Variants in SYNDIG1 observed in about 807,000 individuals in gnomAD.
The protein encoded by SYNDIG1 is synapse differentiation inducing 1.
A neutral mutation model predicts 19.4 loss-of-function variants in SYNDIG1; 9 were observed. That is an observed-to-expected ratio of 0.46 (90% CI 0.28 to 0.81). The LOEUF is 0.81. Ranked by LOEUF, SYNDIG1 falls within the 30% of genes least tolerant of loss-of-function variation. The pLI, the probability that SYNDIG1 is intolerant of heterozygous loss-of-function variation, is 0.12. For synonymous variants in SYNDIG1, 141 were observed against 145.9 expected, an observed-to-expected ratio of 0.97 and a Z score of 0.24; for missense variants, 311 against 343.3, an observed-to-expected ratio of 0.91 and a Z score of 0.74.
intron 1 of SYNDIG1, among the ~76,000 whole-genome samples, chr20:24,480,363 T>C (rs2055762521): frequency 6.6e-6 from 1 of 152,252 alleles, no homozygotes; most frequent in South Asian, 2.1e-4. Flanking sequence ...AGTACTAAAT[T>C]TTTTTCAGTG....
At chr20:24,639,881 A>T (rs1034210615) in intron 3 of SYNDIG1, among the ~76,000 whole-genome samples, 45 of 152,340 alleles carry the variant, frequency 3.0e-4, no homozygotes, top group African/African-American at 1.1e-3. Context: ...ATTGTCTGTG[A>T]TTACCAGATA....
intron 1 of SYNDIG1, among the ~76,000 whole-genome samples, chr20:24,498,301 T>C (rs931738200): frequency 1.3e-5 from 2 of 152,220 alleles, no homozygotes; most frequent in African/African-American, 4.8e-5. Context: ...TTAGTAGTAG[T>C]ATTTGTGATA....
intron 3 of SYNDIG1, among the ~76,000 whole-genome samples, chr20:24,618,294 C>T (rs2058979880): frequency 7.3e-6 from 1 of 137,570 alleles, no homozygotes; most frequent in African/African-American, 2.8e-5. Context: ...GAGGGACAGC[C>T]CAGGGAAGGG....
intron 2 of SYNDIG1, among the ~76,000 whole-genome samples, chr20:24,557,429 T>C (rs2057844284): frequency 6.6e-6 from 1 of 152,166 alleles, no homozygotes; most frequent in African/African-American, 2.4e-5. Flanking sequence ...TTCCCATCTT[T>C]GTGGTTTTAT....
chr20:24,470,928 C>T (rs1389380362), intron 1 of SYNDIG1, among the ~76,000 whole-genome samples: 1 of 151,030 alleles, frequency 6.6e-6, no homozygotes, highest in Non-Finnish European at 1.5e-5. Context: ...GTGTTTAGTG[C>T]AGCAGACACC....
At chr20:24,506,253 T>C (rs1052532610) in intron 1 of SYNDIG1, among the ~76,000 whole-genome samples, 1 of 152,224 alleles carries the variant, frequency 6.6e-6, no homozygotes, top group African/African-American at 2.4e-5. Flanking sequence ...TAGCAAGTTA[T>C]AAGACAAGGG....
At chr20:24,503,918 T>A (rs1024140423) in intron 1 of SYNDIG1, among the ~76,000 whole-genome samples, 3 of 151,788 alleles carry the variant, frequency 2.0e-5, no homozygotes, top group Non-Finnish European at 4.4e-5. Context: ...TGAGGATTGC[T>A]GCTTACAAAG....
At chr20:24,508,626 A>T (rs1050019983) in intron 1 of SYNDIG1, among the ~76,000 whole-genome samples, 2 of 152,250 alleles carry the variant, frequency 1.3e-5, no homozygotes, top group Non-Finnish European at 2.9e-5. Context: ...AAACAAAAAA[A>T]CTAGAGCCAA....
At chr20:24,653,192 A>G (rs577570263) in intron 3 of SYNDIG1, among the ~76,000 whole-genome samples, 1 of 152,338 alleles carries the variant, frequency 6.6e-6, no homozygotes, top group South Asian at 2.1e-4. Context: ...ACGTGGAGCA[A>G]CAAGAAACAG....
intron 1 of SYNDIG1, among the ~76,000 whole-genome samples, chr20:24,529,161 T>A (rs1198949985): frequency 6.6e-6 from 1 of 152,226 alleles, no homozygotes; most frequent in Non-Finnish European, 1.5e-5. Flanking sequence ...ACATTCACAA[T>A]CTTATCAGTT....
chr20:24,552,104 A>G (rs1239038378), intron 2 of SYNDIG1, among the ~76,000 whole-genome samples: 1 of 151,854 alleles, frequency 6.6e-6, no homozygotes, highest in Non-Finnish European at 1.5e-5. Context: ...TCTTTCTTTT[A>G]TTTTGTCAGT....
At chr20:24,537,912 T>G (rs144677144) in intron 1 of SYNDIG1, among the ~76,000 whole-genome samples, 294 of 152,046 alleles carry the variant, frequency 1.9e-3, no homozygotes, top group African/African-American at 6.9e-3. Context: ...CCAATTGAGA[T>G]GATCAGTGGT....
At chr20:24,597,752 C>T (rs1163775962) in intron 3 of SYNDIG1, among the ~76,000 whole-genome samples, 2 of 152,180 alleles carry the variant, frequency 1.3e-5, no homozygotes, top group South Asian at 2.1e-4. Flanking sequence ...GGAGGCAGGG[C>T]AACATCTGAT....
intron 1 of SYNDIG1, among the ~76,000 whole-genome samples, chr20:24,499,822 G>A (rs1033464656): frequency 4.6e-5 from 7 of 152,138 alleles, no homozygotes; most frequent in Non-Finnish European, 8.8e-5. Flanking sequence ...ACAACACAAT[G>A]AAAATCTTTA....
At chr20:24,578,180 C>T (rs1431428660) in intron 2 of SYNDIG1, among the ~76,000 whole-genome samples, 3 of 152,144 alleles carry the variant, frequency 2.0e-5, no homozygotes, top group African/African-American at 7.2e-5. Context: ...TGATGGCTCA[C>T]GCCTGTAATG....
intron 3 of SYNDIG1, among the ~76,000 whole-genome samples, chr20:24,635,854 G>C (rs548420154): frequency 1.1e-4 from 17 of 152,062 alleles, no homozygotes; most frequent in African/African-American, 4.1e-4. Context: ...TCTAGCACCC[G>C]GTCACCATGC....
chr20:24,534,630 C>T (rs918591980), intron 1 of SYNDIG1, among the ~76,000 whole-genome samples: 10 of 152,170 alleles, frequency 6.6e-5, no homozygotes, highest in Admixed American at 6.5e-4. Flanking sequence ...AGCTTTGTCT[C>T]GCCCACTGGT....
chr20:24,510,744 T>G (rs1480869924), intron 1 of SYNDIG1, among the ~76,000 whole-genome samples: 1 of 152,208 alleles, frequency 6.6e-6, no homozygotes, highest in Non-Finnish European at 1.5e-5. Flanking sequence ...CTCAGATATC[T>G]TCAGATATTG....
At chr20:24,639,608 A>T in intron 3 of SYNDIG1, among the ~76,000 whole-genome samples, 1 of 152,228 alleles carries the variant, frequency 6.6e-6, no homozygotes, top group Non-Finnish European at 1.5e-5. Flanking sequence ...TGACCAGGAC[A>T]GAATGGCATC....
Sources: allele counts gnomAD v4.1 joint callset (sites outside exome capture counted in the v4.1 genomes callset), GRCh38; gene constraint gnomAD v4.1.1; transcripts MANE v1.5; gene names NCBI Gene and HGNC (gene_info 2026-07-23, HGNC 2026-07-21).